The following ADAMTS12 variants were observed in gnomAD, a reference collection of about 807,000 sequenced individuals.
The protein encoded by ADAMTS12 is A disintegrin and metalloproteinase with thrombospondin motifs 12.
A neutral mutation model predicts 167.8 loss-of-function variants in ADAMTS12; 118 were observed. The ratio of observed to expected loss-of-function variants is 0.70; its 90% CI spans 0.61 to 0.82. The LOEUF (loss-of-function observed/expected upper bound fraction) is 0.82, where lower values mean the gene tolerates loss of function less well. ADAMTS12 is among the 40% of genes least tolerant of loss of function. The pLI, the probability that ADAMTS12 is intolerant of heterozygous loss-of-function variation, is 0.00. For missense variants in ADAMTS12, 1,916 were observed against 1,998.8 expected, an observed-to-expected ratio of 0.96 and a Z score of 0.79; for synonymous variants, 704 against 716.9, an observed-to-expected ratio of 0.98 and a Z score of 0.29.
At chr5:33,868,242 C>A (rs560454180) in intron 2 of ADAMTS12, among the ~76,000 whole-genome samples, 1 of 152,070 alleles carries the variant, frequency 6.6e-6, no homozygotes, top group South Asian at 2.1e-4. Flanking sequence ...TATAAAGATA[C>A]CTGAAAATGT....
intron 2 of ADAMTS12, among the ~76,000 whole-genome samples, chr5:33,845,225 C>T (rs769250196): frequency 1.6e-4 from 24 of 152,210 alleles, no homozygotes; most frequent in South Asian, 6.2e-4. Flanking sequence ...GCAATGAGCA[C>T]ATTTTGTGCC....
chr5:33,821,473 G>A (rs1477129959), intron 2 of ADAMTS12, among the ~76,000 whole-genome samples: 1 of 151,990 alleles, frequency 6.6e-6, no homozygotes, highest in Admixed American at 6.6e-5. Context: ...ATTTATAGTG[G>A]ATATACTGGA....
In ADAMTS12 at chr5:33,577,054, C is replaced by A; in HGVS notation, c.2972G>T (p.Cys991Phe). The A allele has an allele frequency of 6.2e-7, 1 of 1,614,160 alleles. No homozygotes were observed. The highest frequency in any genetic ancestry group is 8.5e-7 in the Non-Finnish European group (1 of 1,180,018). ...VTRKPNSRAL[C>F]GLQQCPSSRR... is the part of the protein sequence containing the mutation. ...GCTAGAAGGGCATTGCTGGAGGCCA[C>A]ACAGAGCTCGGCTGTTGGGTTTCCT... The change falls in exon 19 of 24, where the codon TGT becomes TTT. Residue 991 changes from cysteine (C) to phenylalanine (F), a missense_variant. Cys to Phe is a radical substitution (Grantham distance 205). Transcript: ENST00000504830.
intron 1 of ADAMTS12, among the ~76,000 whole-genome samples, chr5:33,884,129 T>C (rs1417829092): frequency 6.6e-6 from 1 of 152,182 alleles, no homozygotes; most frequent in Non-Finnish European, 1.5e-5. Flanking sequence ...ACTGGCGCCT[T>C]CTATTAAGAG....
intron 3 of ADAMTS12, among the ~76,000 whole-genome samples, chr5:33,708,747 G>A (rs879159704): frequency 2.0e-5 from 3 of 152,084 alleles, no homozygotes; most frequent in African/African-American, 7.2e-5. Flanking sequence ...GTTGAATAAT[G>A]AGAACATATA....
chr5:33,592,456 T>A (rs1445985011), intron 17 of ADAMTS12, among the ~76,000 whole-genome samples: 1 of 152,168 alleles, frequency 6.6e-6, no homozygotes, highest in Non-Finnish European at 1.5e-5. Context: ...ATCACAGCTG[T>A]GGCCTAGCAG....
chr5:33,724,250 TAGAAAAC>T (rs1308261384), intron 3 of ADAMTS12, among the ~76,000 whole-genome samples: 3 of 152,102 alleles, frequency 2.0e-5, no homozygotes, highest in Admixed American at 6.5e-5. Flanking sequence ...AGGCCCAACA[TAGAAAAC>T]AGAAAAGTGT....
intron 22 of ADAMTS12, among the ~76,000 whole-genome samples, chr5:33,540,004 G>A (rs1026913995): frequency 7.2e-5 from 11 of 152,200 alleles, no homozygotes; most frequent in African/African-American, 2.2e-4. Flanking sequence ...AGGGCGGGGC[G>A]TCGCTTCACC....
At chr5:33,801,121 C>T (rs997513457) in intron 2 of ADAMTS12, among the ~76,000 whole-genome samples, 4 of 152,136 alleles carry the variant, frequency 2.6e-5, no homozygotes, top group African/African-American at 9.7e-5. Context: ...AAGCAAATTC[C>T]CCCATAGAGT....
In ADAMTS12 at chr5:33,523,992, T is replaced by C. The variant is rs534922177; in HGVS notation, c.*3196A>G. 1 of 152,148 alleles carries C rather than the reference T, an allele frequency of 6.6e-6. No homozygotes were observed. Among genetic ancestry groups the C allele is most frequent in the East Asian group, 1.9e-4 (1 of 5,176 alleles). The allele number at this position is 152,148 out of a possible 1,614,324, so 9.4% of individuals were successfully genotyped here. A position where few individuals can be genotyped will look rare whatever the true frequency, so the allele number is the denominator to read the frequency against. ...GAGTAGCAGTGTGCAGCTTTCAGAG[T>C]TTGGAAGATTTTAGTCAACTAAATG... On this transcript the variant is annotated 3_prime_UTR_variant, in exon 24 of 24. Transcript: ENST00000504830.
intron 2 of ADAMTS12, among the ~76,000 whole-genome samples, chr5:33,821,319 A>G (rs1432525678): frequency 6.6e-6 from 1 of 152,172 alleles, no homozygotes; most frequent in Non-Finnish European, 1.5e-5. Flanking sequence ...AATCTTCCCA[A>G]GTACTGGGAG....
chr5:33,866,828 CAT>C (rs1473727784), intron 2 of ADAMTS12, among the ~76,000 whole-genome samples: 1 of 151,620 alleles, frequency 6.6e-6, no homozygotes, highest in African/African-American at 2.4e-5. Context: ...GGCCAATAAA[CAT>C]ATGAAAAAAT....
intron 2 of ADAMTS12, among the ~76,000 whole-genome samples, chr5:33,832,103 TGCTGAA>T (rs1376674154): frequency 2.6e-5 from 4 of 152,340 alleles, no homozygotes; most frequent in Admixed American, 2.6e-4. Context: ...CATGAACCAT[TGCTGAA>T]ACTATCTGAT....
rs370744103 is a variant in ADAMTS12 at position 33,849,587 on chromosome 5, TAC to T, written c.489+31530_489+31531del. Among the ~76,000 whole-genome samples, 92 of 68,916 alleles carry T rather than the reference TAC, an allele frequency of 1.3e-3. 1 individual carries two copies. Among genetic ancestry groups the T allele is most frequent in the Non-Finnish European group, 2.1e-3 (50 of 24,132 alleles). 45.2% of individuals were successfully genotyped at this position (68,916 alleles called of 152,430 possible). On this transcript the variant is annotated intron_variant, in intron 2 of 23. Transcript: ENST00000504830. ...AATACACATGTGTATTGCATAGCAATACACATATGTATTGCATAGCAATATAT... is the reference window on the plus strand; with the variant it reads ...AATACACATGTGTATTGCATAGCAATACATATGTATTGCATAGCAATATAT...
intron 3 of ADAMTS12, among the ~76,000 whole-genome samples, chr5:33,707,332 G>A (rs1404804885): frequency 6.6e-6 from 1 of 151,674 alleles, no homozygotes; most frequent in Non-Finnish European, 1.5e-5. Flanking sequence ...CACATTCCAT[G>A]CTCATGGATA....
intron 19 of ADAMTS12, among the ~76,000 whole-genome samples, chr5:33,565,683 T>G (rs949984249): frequency 4.0e-5 from 6 of 151,586 alleles, no homozygotes; most frequent in Non-Finnish European, 8.8e-5. Flanking sequence ...TGTTTTTTTT[T>G]TTTTTTTTGG....
intron 2 of ADAMTS12, among the ~76,000 whole-genome samples, chr5:33,821,809 A>G (rs1013925135): frequency 3.9e-5 from 6 of 152,236 alleles, no homozygotes; most frequent in Admixed American, 1.3e-4. Flanking sequence ...ATTACCCAAC[A>G]TCACCCTTTC....
chr5:33,621,235 T>TA (rs1296741939), intron 14 of ADAMTS12, among the ~76,000 whole-genome samples: 2 of 151,482 alleles, frequency 1.3e-5, no homozygotes, highest in Non-Finnish European at 1.5e-5. Flanking sequence ...CCATTTCTAC[T>TA]AAAAAAATAC....
At chr5:33,645,850 G>A (rs1561192253) in intron 9 of ADAMTS12, among the ~76,000 whole-genome samples, 2 of 152,304 alleles carry the variant, frequency 1.3e-5, no homozygotes, top group East Asian at 3.9e-4. Context: ...TGCCTACTAT[G>A]TGCTAGGCAT....
Sources: gnomAD v4.1 joint callset for allele counts (sites outside exome capture counted in the v4.1 genomes callset) on GRCh38, gnomAD v4.1.1 for gene constraint, MANE v1.5 for transcripts, NCBI Gene and HGNC (gene_info 2026-07-23, HGNC 2026-07-21) for gene names.